Variants in NCOA1 observed in about 807,000 individuals in gnomAD.
NCOA1 encodes nuclear receptor coactivator 1.
A neutral mutation model predicts 150.9 loss-of-function variants in NCOA1; 35 were observed. The observed-to-expected ratio is 0.23, with a 90% confidence interval of 0.18 to 0.31. The LOEUF is 0.31. NCOA1 is among the 10% of genes least tolerant of loss of function. The probability of loss-of-function intolerance (pLI) is 1.00; values close to 1 mark genes in which losing one functional copy is unlikely to be tolerated. For synonymous variants in NCOA1, 590 were observed against 630.0 expected, an observed-to-expected ratio of 0.94 and a Z score of 0.95; for missense variants, 1,491 against 1,749.3, an observed-to-expected ratio of 0.85 and a Z score of 2.63.
chr2:24,582,294 C>A (rs1223594315), intron 2 of NCOA1, among the ~76,000 whole-genome samples: 1 of 151,996 alleles, frequency 6.6e-6, no homozygotes, highest in Admixed American at 6.6e-5. Context: ...ATACAAAAAT[C>A]AGTAGCATTT....
In NCOA1 at chr2:24,686,677, A is replaced by T. The variant is rs539521200; in HGVS notation, c.532+3549A>T. ...AGCTCAGTGCCTACTGTTTAAAAGA[A>T]GATTTAGGTTCAAAAAAGTTTTGTC... is the stretch of plus-strand genomic sequence containing the variant. On this transcript the variant is annotated intron_variant, in intron 8 of 22. Transcript: ENST00000348332. Among the ~76,000 whole-genome samples the T allele has an allele frequency of 5.9e-5, 9 of 152,326 alleles. 1 individual carries two copies. In the South Asian group the frequency reaches 1.5e-3, roughly 25 times the overall value.
At position 24,662,671 on chromosome 2, in the gene NCOA1, T is replaced by A. The variant is rs139386720; in HGVS notation, c.90-3078T>A. Among the ~76,000 whole-genome samples the A allele has an allele frequency of 4.5e-3, 693 of 152,310 alleles. 3 individuals are homozygous for A. The highest frequency in any genetic ancestry group is 0.014 in the African/African-American group (589 of 41,566). ...TAATATAAAACCCTGGAAAGTAATG[T>A]CATTATCCTAGTTTTACAGATAAGG... is the stretch of plus-strand genomic sequence containing the variant. On this transcript the variant is annotated intron_variant, in intron 5 of 22. Transcript: ENST00000348332.
At chr2:24,531,703 G>A (rs1390027022) in intron 1 of NCOA1, among the ~76,000 whole-genome samples, 2 of 152,108 alleles carry the variant, frequency 1.3e-5, no homozygotes, top group Admixed American at 6.5e-5. Flanking sequence ...GAGAACATAC[G>A]GTGTTTGGTT....
intron 1 of NCOA1, among the ~76,000 whole-genome samples, chr2:24,537,123 GA>G (rs1261352622): frequency 4.0e-5 from 6 of 149,776 alleles, no homozygotes; most frequent in Admixed American, 3.3e-4. Context: ...AAAGCTACTG[GA>G]AAAAAAAAGA....
intron 4 of NCOA1, among the ~76,000 whole-genome samples, chr2:24,656,159 G>A (rs997570765): frequency 1.3e-5 from 2 of 151,742 alleles, no homozygotes; most frequent in African/African-American, 2.4e-5. Flanking sequence ...GAGAGAAGAG[G>A]CTAGAATGAC....
chr2:24,542,013 T>C (rs1665419778), intron 1 of NCOA1, among the ~76,000 whole-genome samples: 1 of 152,144 alleles, frequency 6.6e-6, no homozygotes. Flanking sequence ...TTAATAATAA[T>C]GAAAAGTAGA....
At chr2:24,512,912 A>G (rs1051617319) in intron 1 of NCOA1, among the ~76,000 whole-genome samples, 5 of 152,174 alleles carry the variant, frequency 3.3e-5, no homozygotes, top group Non-Finnish European at 7.3e-5. Flanking sequence ...GAATGGAGTT[A>G]ATTCCTCCAT....
intron 14 of NCOA1, among the ~76,000 whole-genome samples, chr2:24,722,417 T>A (rs1463392201): frequency 6.6e-6 from 1 of 152,218 alleles, no homozygotes; most frequent in Non-Finnish European, 1.5e-5. Flanking sequence ...AAATCCCTAT[T>A]GTTTGAGGGT....
intron 4 of NCOA1, among the ~76,000 whole-genome samples, chr2:24,658,330 T>A (rs1435879891): frequency 6.6e-6 from 1 of 152,184 alleles, no homozygotes; most frequent in Non-Finnish European, 1.5e-5. Flanking sequence ...GCTTCTACAT[T>A]TACACGTGAA....
intron 19 of NCOA1, among the ~76,000 whole-genome samples, chr2:24,749,822 TGAG>T (rs1305066294): frequency 2.0e-5 from 3 of 152,102 alleles, no homozygotes; most frequent in African/African-American, 7.2e-5. Flanking sequence ...CTACCTGTAA[TGAG>T]GAGAAAAATC....
chr2:24,668,329 G>A (rs548148363), intron 6 of NCOA1, among the ~76,000 whole-genome samples: 1 of 152,116 alleles, frequency 6.6e-6, no homozygotes, highest in South Asian at 2.1e-4. Context: ...CTCATGTAGT[G>A]CCCAGCACAG....
chr2:24,570,194 G>T (rs1322015958), intron 2 of NCOA1, among the ~76,000 whole-genome samples: 2 of 151,592 alleles, frequency 1.3e-5, no homozygotes, highest in Non-Finnish European at 2.9e-5. Flanking sequence ...TATAATTAGA[G>T]ATTTTTATTT....
At chr2:24,694,892 A>G (rs896155853) in intron 10 of NCOA1, among the ~76,000 whole-genome samples, 8 of 152,064 alleles carry the variant, frequency 5.3e-5, no homozygotes, top group Non-Finnish European at 7.4e-5. Flanking sequence ...CCATTGAAAA[A>G]GAAAATTGGT....
chr2:24,725,939 A>G (rs1572646622), intron 14 of NCOA1, among the ~76,000 whole-genome samples: 1 of 152,132 alleles, frequency 6.6e-6, no homozygotes, highest in Non-Finnish European at 1.5e-5. Context: ...TTTTTCTAGT[A>G]TAAATAGTAC....
In NCOA1 at chr2:24,762,411, A is replaced by G. The variant is rs907460164; in HGVS notation, c.4066-276A>G. On this transcript the variant is annotated intron_variant, in intron 21 of 22. Coordinates refer to ENST00000348332, the MANE Select transcript of NCOA1 (RefSeq NM_003743.5). ...AATATAGAGAAAAGTGTACAACTCA[A>G]TAGATTTTCACAAAGTGAACACACC... 7.9e-5 allele frequency among the ~76,000 whole-genome samples: 12 copies of G among 152,238 alleles called. 1 individual carries two copies. The highest frequency in any genetic ancestry group is 2.9e-4 in the African/African-American group (12 of 41,470).
intron 3 of NCOA1, among the ~76,000 whole-genome samples, chr2:24,628,402 A>G (rs1354098297): frequency 6.6e-6 from 1 of 152,098 alleles, no homozygotes; most frequent in Non-Finnish European, 1.5e-5. Context: ...TGACCAGTTT[A>G]ATGATCAGAG....
intron 1 of NCOA1, among the ~76,000 whole-genome samples, chr2:24,539,163 A>G (rs1665287745): frequency 1.3e-5 from 2 of 152,142 alleles, no homozygotes; most frequent in African/African-American, 2.4e-5. Context: ...GGGGTCTCAC[A>G]AAATTGATGA....
intron 7 of NCOA1, among the ~76,000 whole-genome samples, chr2:24,674,113 A>ATATG (rs1222119379): frequency 9.5e-6 from 1 of 105,382 alleles, no homozygotes; most frequent in Non-Finnish European, 2.0e-5. Flanking sequence ...GTTTAAAGAC[A>ATATG]TATGTATGTA....
intron 6 of NCOA1, among the ~76,000 whole-genome samples, chr2:24,668,802 G>GAAAA (rs59013840): frequency 6.7e-6 from 1 of 149,072 alleles, no homozygotes; most frequent in Non-Finnish European, 1.5e-5. Context: ...TTTCCATAGG[G>GAAAA]AAAAAAAAAA....
Sources: gnomAD v4.1 joint callset for allele counts (sites outside exome capture counted in the v4.1 genomes callset) on GRCh38, gnomAD v4.1.1 for gene constraint, MANE v1.5 for transcripts, NCBI Gene and HGNC (gene_info 2026-07-23, HGNC 2026-07-21) for gene names.